The following LRRC8A variants were observed in gnomAD, a reference collection of about 807,000 sequenced individuals.
The protein encoded by LRRC8A is leucine rich repeat containing 8 VRAC subunit A.
A neutral mutation model predicts 52.5 loss-of-function variants in LRRC8A; 24 were observed. The ratio of observed to expected loss-of-function variants is 0.46; its 90% CI spans 0.33 to 0.64. The LOEUF (loss-of-function observed/expected upper bound fraction) is 0.64, where lower values mean the gene tolerates loss of function less well. LRRC8A is among the 30% of genes least tolerant of loss of function. The pLI, the probability that LRRC8A is intolerant of heterozygous loss-of-function variation, is 0.02. For missense variants in LRRC8A, 677 were observed against 1,094.7 expected, an observed-to-expected ratio of 0.62 and a Z score of 5.38; for synonymous variants, 492 against 494.2, an observed-to-expected ratio of 1.00 and a Z score of 0.06.
intron 3 of LRRC8A, among the ~76,000 whole-genome samples, chr9:128,910,519 C>T (rs967266616): frequency 2.0e-5 from 3 of 152,148 alleles, no homozygotes; most frequent in African/African-American, 7.2e-5. Context: ...ATAGGGAAAC[C>T]CCATCTCTAC....
chr9:128,886,453 C>T (rs1042658440), intron 2 of LRRC8A, among the ~76,000 whole-genome samples: 1 of 152,202 alleles, frequency 6.6e-6, no homozygotes. Flanking sequence ...CAAGTGTGTT[C>T]CATGAGACAC....
intron 2 of LRRC8A, among the ~76,000 whole-genome samples, chr9:128,898,979 T>G (rs2130980617): frequency 6.6e-6 from 1 of 152,302 alleles, no homozygotes; most frequent in Non-Finnish European, 1.5e-5. Flanking sequence ...CTCTGCCAGC[T>G]GGAGGCCAGA....
rs935999608 is a variant in LRRC8A, at chr9:128,902,594, G to A, written c.-8-4563G>A. On this transcript the variant is annotated intron_variant, in intron 2 of 3. Transcript: ENST00000372600. This position sits in a 1 kb window ranked among gnomAD's most constrained non-coding sequence, Gnocchi z 4.1. ...CCCTGGCTGTCTCATTCCAGACTTGGGGGCAGGCAGGCTGCTGCATGCACC... is the reference window on the plus strand; with the variant it reads ...CCCTGGCTGTCTCATTCCAGACTTGAGGGCAGGCAGGCTGCTGCATGCACC... 6.6e-6 allele frequency among the ~76,000 whole-genome samples: 1 copy of A among 152,148 alleles called. No individual in the cohort carries two copies. Among genetic ancestry groups the A allele is most frequent in the African/African-American group, 2.4e-5 (1 of 41,434 alleles).
intron 2 of LRRC8A, among the ~76,000 whole-genome samples, chr9:128,889,773 G>A (rs1487756426): frequency 3.3e-5 from 5 of 151,974 alleles, no homozygotes; most frequent in South Asian, 2.1e-4. Context: ...GACTACAGCC[G>A]TGAGCCACTG....
intron 1 of LRRC8A, 125 bp downstream of exon 1, chr9:128,882,375 C>T (rs1317874670): frequency 4.4e-6 from 1 of 227,074 alleles, no homozygotes; most frequent in African/African-American, 2.3e-5. Flanking sequence ...CCGGGCCGGC[C>T]CCCTGGGGAC....
intron 2 of LRRC8A, among the ~76,000 whole-genome samples, chr9:128,894,070 G>T (rs1156462528): frequency 6.6e-6 from 1 of 152,058 alleles, no homozygotes; most frequent in African/African-American, 2.4e-5. Context: ...TAGTAGAGAC[G>T]GGGTTTCGCC....
In LRRC8A at chr9:128,904,033, GA is replaced by G. The variant is rs781208033; in HGVS notation, c.-8-3113del. On this transcript the variant is annotated intron_variant, in intron 2 of 3. Coordinates refer to ENST00000372600, the MANE Select transcript of LRRC8A (RefSeq NM_019594.4). ...ACAGAGTGAGACTGTCTCAAAAAGGGAAAAAAAAAAAGTTTGTTACTATTCT... is the reference window on the plus strand; with the variant it reads ...ACAGAGTGAGACTGTCTCAAAAAGGGAAAAAAAAAAGTTTGTTACTATTCT... Among the ~76,000 whole-genome samples, 177 of 140,938 alleles carry G rather than the reference GA, an allele frequency of 1.3e-3. No homozygotes were observed. The East Asian group carries it at 0.024, about 19-fold the overall frequency. 92.5% of individuals were successfully genotyped at this position (140,938 alleles called of 152,430 possible).
chr9:128,908,066 G>A lies in LRRC8A; in HGVS notation c.902G>A (p.Ser301Asn), dbSNP rs1840328685. ...FDVDCTVDIE[S>N]LTGYRTYRCA... ...GTGGACTGCACCGTGGACATTGAGA[G>A]CCTGACGGGCTACCGCACCTACCGC... is the stretch of plus-strand genomic sequence containing the variant. Residue 301 changes from serine (S) to asparagine (N), a missense_variant, in exon 3 of 4, where the codon AGC becomes AAC. Ser to Asn is a conservative substitution (Grantham distance 46). Coordinates refer to ENST00000372600, the MANE Select transcript of LRRC8A (RefSeq NM_019594.4). The A allele has an allele frequency of 6.2e-7, 1 of 1,614,062 alleles. No homozygotes were observed. The highest frequency in any genetic ancestry group is 8.5e-7 in the Non-Finnish European group (1 of 1,180,032).
chr9:128,897,795 C>T (rs531095762), intron 2 of LRRC8A, among the ~76,000 whole-genome samples: 15 of 152,110 alleles, frequency 9.9e-5, no homozygotes, highest in Non-Finnish European at 1.6e-4. Flanking sequence ...CCTCCCACCT[C>T]GGCCTTCCAA....
intron 3 of LRRC8A, among the ~76,000 whole-genome samples, chr9:128,915,649 C>T (rs1320941332): frequency 1.3e-5 from 2 of 152,172 alleles, no homozygotes; most frequent in Non-Finnish European, 2.9e-5. Context: ...TCTCAGCATG[C>T]TGTTTTGCTT....
Position 128,901,337 on chromosome 9 carries a change from G to A in LRRC8A, c.-8-5820G>A, listed in dbSNP as rs563545247. Among the ~76,000 whole-genome samples, 11 of 152,142 alleles carry A rather than the reference G, an allele frequency of 7.2e-5. No individual in the cohort carries two copies. In the South Asian group the frequency reaches 1.0e-3, roughly 14 times the overall value. The stretch of plus-strand genomic sequence containing the variant: ...AATTAGCCGGCCGTGGTGGTGGCGC[G>A]CCTGTAGTGCCAGCTGCTTGGGAGG... On this transcript the variant is annotated intron_variant, in intron 2 of 3. Transcript: ENST00000372600.
rs1049222568 is a variant in LRRC8A at position 128,902,837 on chromosome 9, C to T, written c.-8-4320C>T. 3.9e-5 allele frequency among the ~76,000 whole-genome samples: 6 copies of T among 152,148 alleles called. No homozygotes were observed. The highest frequency in any genetic ancestry group is 1.4e-4 in the African/African-American group (6 of 41,434). On this transcript the variant is annotated intron_variant, in intron 2 of 3. Coordinates refer to ENST00000372600, the MANE Select transcript of LRRC8A (RefSeq NM_019594.4). The surrounding 1 kb of genome is among the most constrained non-coding windows in gnomAD (Gnocchi z 4.1). The stretch of plus-strand genomic sequence containing the variant: ...CGGGTGCTTGCCCTGGCCCGTGAGT[C>T]CTGGCATCACTAGGAGGACTGACTT...
intron 1 of LRRC8A, chr9:128,882,719 G>T: frequency 5.0e-6 from 2 of 398,786 alleles, no homozygotes. Context: ...CCTTCCTATC[G>T]TTCCGATGGG....
chr9:128,885,635 C>T (rs983773026), intron 1 of LRRC8A, among the ~76,000 whole-genome samples: 1 of 152,164 alleles, frequency 6.6e-6, no homozygotes, highest in African/African-American at 2.4e-5. Flanking sequence ...CTGCCAGGCG[C>T]GGTGGCTCAT....
At chr9:128,904,602 CTT>C (rs1321957011) in intron 2 of LRRC8A, among the ~76,000 whole-genome samples, 1 of 152,130 alleles carries the variant, frequency 6.6e-6, no homozygotes, top group African/African-American at 2.4e-5. Context: ...AATGCCAACA[CTT>C]TGGGAGGCTA....
intron 2 of LRRC8A, among the ~76,000 whole-genome samples, chr9:128,904,896 G>C (rs1200949431): frequency 6.6e-6 from 1 of 151,688 alleles, no homozygotes; most frequent in East Asian, 1.9e-4. Context: ...TACTTGGAAG[G>C]CTGAGGCAGG....
chr9:128,900,441 G>A (rs1839981211), intron 2 of LRRC8A, among the ~76,000 whole-genome samples: 1 of 152,260 alleles, frequency 6.6e-6, no homozygotes, highest in South Asian at 2.1e-4. Context: ...GGACGCAGTG[G>A]CTCATGCCTG....
chr9:128,910,994 C>T (rs1029537525), intron 3 of LRRC8A, among the ~76,000 whole-genome samples: 4 of 152,200 alleles, frequency 2.6e-5, no homozygotes, highest in Non-Finnish European at 4.4e-5. Flanking sequence ...GCATGATGCA[C>T]CTGTCCTCCT....
chr9:128,903,025 G>A (rs1450201539), intron 2 of LRRC8A, among the ~76,000 whole-genome samples: 2 of 152,210 alleles, frequency 1.3e-5, no homozygotes, highest in African/African-American at 4.8e-5. Context: ...AGTCCCACAT[G>A]GTGGCGAGGA....
Sources: allele counts gnomAD v4.1 joint callset (sites outside exome capture counted in the v4.1 genomes callset), GRCh38; gene constraint gnomAD v4.1.1; non-coding constraint Gnocchi (gnomAD v3.1); transcripts MANE v1.5; gene names NCBI Gene and HGNC (gene_info 2026-07-23, HGNC 2026-07-21).